Variants in TNFRSF10B observed in about 807,000 individuals in gnomAD.
The protein encoded by TNFRSF10B is tumor necrosis factor receptor superfamily member 10B.
In TNFRSF10B, 35 loss-of-function variants were observed where a neutral mutation model predicts 41.4. The observed-to-expected ratio is 0.85, with a 90% confidence interval of 0.65 to 1.12. The LOEUF (loss-of-function observed/expected upper bound fraction) is 1.12, where lower values mean the gene tolerates loss of function less well. Ranked by LOEUF, TNFRSF10B falls within the 50% of genes most tolerant of loss-of-function variation. The pLI is 0.00. For missense variants in TNFRSF10B, 584 were observed against 552.7 expected, an observed-to-expected ratio of 1.06 and a Z score of -0.57; for synonymous variants, 230 against 215.5, an observed-to-expected ratio of 1.07 and a Z score of -0.59.
intron 2 of TNFRSF10B, among the ~76,000 whole-genome samples, chr8:23,041,392 C>T (rs1054546983): frequency 1.3e-4 from 20 of 151,760 alleles, no homozygotes; most frequent in African/African-American, 4.8e-4. Flanking sequence ...TTGGACCCAG[C>T]GCAGTGGCTC....
At chr8:23,041,603 T>TAAAAA (rs199893473) in intron 2 of TNFRSF10B, among the ~76,000 whole-genome samples, 1 of 121,236 alleles carries the variant, frequency 8.2e-6, no homozygotes, top group Non-Finnish European at 1.8e-5. Flanking sequence ...CTCAATGATT[T>TAAAAA]AAAAAAAAAA....
At chr8:23,055,861 A>C (rs949154228) in intron 1 of TNFRSF10B, among the ~76,000 whole-genome samples, 3 of 152,200 alleles carry the variant, frequency 2.0e-5, no homozygotes, top group African/African-American at 4.8e-5. Context: ...TATAGATTAA[A>C]AGAAGTTAAT....
At position 23,068,824 on chromosome 8, in the gene TNFRSF10B, T is replaced by A; in HGVS notation, c.71A>T (p.Glu24Val). 1 of 1,612,716 alleles carries A rather than the reference T, an allele frequency of 6.2e-7. No individual in the cohort carries two copies. Among genetic ancestry groups the A allele is most frequent in the Non-Finnish European group, 8.5e-7 (1 of 1,179,786 alleles). The change falls in exon 1 of 9, where the codon GAG becomes GTG. Residue 24 changes from glutamate to valine, a missense_variant. Physicochemically the swap from Glu to Val is moderately radical, Grantham distance 121. Transcript: ENST00000276431. ...ARKRHGPGPREARGARPGPRV... is the reference protein window; with the variant it reads ...ARKRHGPGPRVARGARPGPRV... ...GGGCCCAGGCCTGGCTCCCCGCGCC[T>A]CCCTGGGTCCTGGGCCGTGCCTTTT...
At chr8:23,064,659 T>C (rs903416627) in intron 1 of TNFRSF10B, among the ~76,000 whole-genome samples, 4 of 152,222 alleles carry the variant, frequency 2.6e-5, no homozygotes, top group African/African-American at 9.7e-5. Context: ...CTCACCCACC[T>C]GTGATTCAGG....
rs1563302357 is a variant in TNFRSF10B at position 23,021,411 on chromosome 8, ACCATTTC to A, written c.*1253_*1259del. 6 of 454,030 alleles carry A rather than the reference ACCATTTC, an allele frequency of 1.3e-5. No homozygotes were observed. The East Asian group carries it at 2.8e-4, about 21-fold the overall frequency. The allele number at this position is 454,030 out of a possible 1,614,324, so 28.1% of individuals were successfully genotyped here. A position where few individuals can be genotyped will look rare whatever the true frequency, so the allele number is the denominator to read the frequency against. On this transcript the variant is annotated 3_prime_UTR_variant, in exon 9 of 9. Transcript: ENST00000276431. The stretch of plus-strand genomic sequence containing the variant: ...CGGGCCATCTACTCCTGAGATGGCA[ACCATTTC>A]ACACCATTCTCAAGCACCATCTACT...
chr8:23,042,014 A>G (rs1248670391), intron 2 of TNFRSF10B, among the ~76,000 whole-genome samples: 1 of 152,154 alleles, frequency 6.6e-6, no homozygotes, highest in Non-Finnish European at 1.5e-5. Context: ...GCCCTGCCAC[A>G]CACTGTCCCC....
chr8:23,052,282 T>A (rs1812542495), intron 1 of TNFRSF10B, among the ~76,000 whole-genome samples: 1 of 137,274 alleles, frequency 7.3e-6, no homozygotes, highest in Non-Finnish European at 1.6e-5. Context: ...TTTTAAAGGG[T>A]AACTTTTTTT....
rs1322770815 is a variant in TNFRSF10B at position 23,043,235 on chromosome 8, A to C, written c.153T>G (p.Ala51=). The change falls in exon 2 of 9, where the codon GCT becomes GCG. Residue 51 remains alanine, a synonymous_variant. Coordinates refer to ENST00000276431, the MANE Select transcript of TNFRSF10B (RefSeq NM_003842.5). Reference sequence around the variant, plus strand: ...CTTGTTGGGTGATCAGAGCAGACTCAGCTGAGACCTGTGGGGACAAAGCAG... The same window carrying C: ...CTTGTTGGGTGATCAGAGCAGACTCCGCTGAGACCTGTGGGGACAAAGCAG... The part of the protein sequence containing the change: ...VVAAVLLLVS[A]ESALITQQDL... The C allele has an allele frequency of 1.9e-6, 3 of 1,614,120 alleles. No individual in the cohort carries two copies. The highest frequency in any genetic ancestry group is 2.5e-6 in the Non-Finnish European group (3 of 1,179,984).
At chr8:23,063,682 G>A (rs1331595907) in intron 1 of TNFRSF10B, among the ~76,000 whole-genome samples, 1 of 152,066 alleles carries the variant, frequency 6.6e-6, no homozygotes, top group Non-Finnish European at 1.5e-5. Context: ...AATGCAACCT[G>A]ACCCTCACCC....
intron 1 of TNFRSF10B, among the ~76,000 whole-genome samples, chr8:23,052,801 G>C (rs574808974): frequency 2.6e-5 from 4 of 152,184 alleles, no homozygotes; most frequent in Non-Finnish European, 4.4e-5. Flanking sequence ...GTCATAAAAT[G>C]CTTCTTTGAC....
chr8:23,040,736 A>T (rs1448148444), intron 2 of TNFRSF10B, among the ~76,000 whole-genome samples: 1 of 151,988 alleles, frequency 6.6e-6, no homozygotes, highest in Non-Finnish European at 1.5e-5. Flanking sequence ...AACAAACGCA[A>T]AAAATAGACC....
chr8:23,035,467 T>C (rs1405315989), intron 2 of TNFRSF10B, among the ~76,000 whole-genome samples: 1 of 152,106 alleles, frequency 6.6e-6, no homozygotes, highest in Non-Finnish European at 1.5e-5. Context: ...GGCCTTTCCC[T>C]TCCACAAGAT....
At position 23,067,704 on chromosome 8, in the gene TNFRSF10B, A is replaced by G. The variant is rs535126658; in HGVS notation, c.144+1047T>C. Among the ~76,000 whole-genome samples the G allele has an allele frequency of 2.0e-5, 3 of 152,316 alleles. No homozygotes were observed. The South Asian group carries it at 6.2e-4, about 32-fold the overall frequency. ...CTGTGGTGTGGGGCGGAAACAGTGA[A>G]AACATGAGGTGTGTAACAATATCCC... On this transcript the variant is annotated intron_variant, in intron 1 of 8. Transcript: ENST00000276431.
At chr8:23,032,883 A>C (rs973050616) in intron 2 of TNFRSF10B, among the ~76,000 whole-genome samples, 3 of 152,220 alleles carry the variant, frequency 2.0e-5, no homozygotes, top group African/African-American at 4.8e-5. Context: ...TCCAAGCAGG[A>C]TAAGTTAAAA....
At chr8:23,063,311 G>T (rs1304647271) in intron 1 of TNFRSF10B, among the ~76,000 whole-genome samples, 2 of 148,892 alleles carry the variant, frequency 1.3e-5, no homozygotes, top group Non-Finnish European at 3.0e-5. Context: ...TTGCGCCATT[G>T]CACTCCAGCC....
At chr8:23,030,947 T>C in intron 2 of TNFRSF10B, 75 bp from the exon 3 acceptor site, 1 of 1,073,296 alleles carries the variant, frequency 9.3e-7, no homozygotes, top group Non-Finnish European at 1.4e-6. Context: ...GCTGGGGGAC[T>C]CCTCTTTCAG....
intron 7 of TNFRSF10B, 54 bp from the exon 8 acceptor site, chr8:23,024,314 G>T: frequency 6.2e-7 from 1 of 1,605,746 alleles, no homozygotes; most frequent in Non-Finnish European, 8.5e-7. Flanking sequence ...CTACAGTCCA[G>T]TACTGACCCC....
chr8:23,028,674 AC>A, intron 4 of TNFRSF10B, 72 bp from the exon 5 acceptor site: 1 of 1,576,868 alleles, frequency 6.3e-7, no homozygotes. Flanking sequence ...AAGAGGAGCC[AC>A]CCTCCCTCCC....
At chr8:23,062,637 GTTGAT>G (rs1812865613) in intron 1 of TNFRSF10B, among the ~76,000 whole-genome samples, 1 of 152,058 alleles carries the variant, frequency 6.6e-6, no homozygotes, top group Non-Finnish European at 1.5e-5. Context: ...AACTTAGCTC[GTTGAT>G]TTAAGATCCT....
Sources: gnomAD v4.1 joint callset for allele counts (sites outside exome capture counted in the v4.1 genomes callset) on GRCh38, gnomAD v4.1.1 for gene constraint, MANE v1.5 for transcripts, NCBI Gene and HGNC (gene_info 2026-07-23, HGNC 2026-07-21) for gene names.